The following ACACA variants were observed in gnomAD, a reference collection of about 807,000 sequenced individuals.
ACACA encodes the protein acetyl-CoA carboxylase alpha.
Under a neutral mutation model 296.1 loss-of-function variants are expected in ACACA, and 103 were observed. The ratio of observed to expected loss-of-function variants is 0.35; its 90% CI spans 0.30 to 0.41. The LOEUF (loss-of-function observed/expected upper bound fraction) is 0.41, where lower values mean the gene tolerates loss of function less well. ACACA is among the 10% of genes least tolerant of loss of function. The pLI, the probability that ACACA is intolerant of heterozygous loss-of-function variation, is 1.00. For missense variants in ACACA, 1,554 were observed against 2,989.7 expected (o/e 0.52, Z 11.20); for synonymous variants, 953 against 1,038.6 (o/e 0.92, Z 1.58).
chr17:37,180,421 T>A (rs2077274951), intron 40 of ACACA, among the ~76,000 whole-genome samples: 1 of 152,192 alleles, frequency 6.6e-6, no homozygotes, highest in Non-Finnish European at 1.5e-5. Flanking sequence ...TTTACTAAAA[T>A]TCAAATGTGG....
At chr17:37,363,179 CTTTTT>C (rs902746004) in intron 1 of ACACA, among the ~76,000 whole-genome samples, 2 of 72,850 alleles carry the variant, frequency 2.7e-5, no homozygotes, top group East Asian at 4.3e-4. Flanking sequence ...TTCTCTTTTT[CTTTTT>C]TTTTTTTTTT....
At chr17:37,225,128 G>A (rs1384030056) in intron 26 of ACACA, 23 bp from the exon 27 acceptor site, 1 of 1,369,224 alleles carries the variant, frequency 7.3e-7, no homozygotes, top group African/African-American at 1.4e-5. Context: ...CAAAATAGGA[G>A]GCACACATTC....
chr17:37,159,441 C>T (rs369270946), intron 42 of ACACA, among the ~76,000 whole-genome samples: 6 of 152,088 alleles, frequency 3.9e-5, no homozygotes, highest in Admixed American at 3.3e-4. Context: ...AGGCTGATCT[C>T]GAACTCCTGG....
chr17:37,164,807 TTA>T (rs1220172405), intron 41 of ACACA, among the ~76,000 whole-genome samples: 1 of 152,228 alleles, frequency 6.6e-6, no homozygotes, highest in Non-Finnish European at 1.5e-5. Flanking sequence ...ACACCAAATT[TTA>T]TGATATATTA....
At chr17:37,381,249 G>A (rs540361885) in intron 1 of ACACA, among the ~76,000 whole-genome samples, 4 of 152,066 alleles carry the variant, frequency 2.6e-5, no homozygotes, top group Admixed American at 6.6e-5. Context: ...GCAGTGGCGC[G>A]ATCTCGTCTC....
chr17:37,257,742 T>G lies in ACACA; in HGVS notation c.1787A>C (p.His596Pro). The G allele has an allele frequency of 6.2e-7, 1 of 1,614,164 alleles. No individual in the cohort carries two copies. The highest frequency in any genetic ancestry group is 8.5e-7 in the Non-Finnish European group (1 of 1,180,018). The change falls in exon 14 of 56, where the codon CAC (histidine) becomes CCC (proline). Residue 596 changes from histidine to proline, a missense_variant. By Grantham distance (77) the His-to-Pro change is moderately conservative. Coordinates refer to ENST00000616317, the MANE Select transcript of ACACA (RefSeq NM_198834.3). Reference sequence around the variant, plus strand: ...TCTGTTTTCTCCCCAAGAAAAGCAGTGACCAAACTGAGAATCAGCAAATTC... The same window carrying G: ...TCTGTTTTCTCCCCAAGAAAAGCAGGGACCAAACTGAGAATCAGCAAATTC... ...LHEFADSQFG[H>P]CFSWGENREE...
intron 3 of ACACA, among the ~76,000 whole-genome samples, chr17:37,325,157 C>A (rs1394685366): frequency 6.7e-6 from 1 of 148,712 alleles, no homozygotes; most frequent in Non-Finnish European, 1.5e-5. Context: ...GCCAAGATGG[C>A]GCCACTGCAC....
chr17:37,089,147 G>A lies in ACACA; in HGVS notation c.6892-73C>T, dbSNP rs1433892023. On this transcript the variant is annotated intron_variant, in intron 54 of 55. Coordinates refer to ENST00000616317, the MANE Select transcript of ACACA (RefSeq NM_198834.3). ...GGGACACCCTGACTATTCAGGATCT[G>A]GAGTGCTTGCTTACTCCAAAAGTGT... 18 of 1,605,660 alleles carry A rather than the reference G, an allele frequency of 1.1e-5. No individual in the cohort carries two copies. In the Admixed American group the frequency reaches 2.0e-4, roughly 18 times the overall value.
At chr17:37,202,083 A>T (rs1397373485) in intron 33 of ACACA, among the ~76,000 whole-genome samples, 2 of 152,180 alleles carry the variant, frequency 1.3e-5, no homozygotes, top group Admixed American at 6.5e-5. Context: ...GTATTGACAC[A>T]ACAATATGAA....
intron 1 of ACACA, among the ~76,000 whole-genome samples, chr17:37,344,690 T>C (rs1419434846): frequency 6.6e-6 from 1 of 152,102 alleles, no homozygotes; most frequent in Non-Finnish European, 1.5e-5. Flanking sequence ...GAGCAATAAA[T>C]GACTAGGCAA....
chr17:37,172,906 G>C (rs2076932574), intron 41 of ACACA, among the ~76,000 whole-genome samples: 1 of 152,104 alleles, frequency 6.6e-6, no homozygotes, highest in Non-Finnish European at 1.5e-5. Flanking sequence ...GCTTCGCTTA[G>C]GTCTATTTCA....
intron 1 of ACACA, among the ~76,000 whole-genome samples, chr17:37,390,304 T>TTATATATATATATATATATATATATATA (rs1189193698): frequency 1.7e-4 from 3 of 17,976 alleles, no homozygotes; most frequent in Admixed American, 1.3e-3. Flanking sequence ...TTATACATAA[T>TTATATATATATATATATATATATATATA]TATATATATA....
intron 54 of ACACA, among the ~76,000 whole-genome samples, chr17:37,090,904 C>G (rs2072579292): frequency 6.6e-6 from 1 of 151,192 alleles, no homozygotes; most frequent in Non-Finnish European, 1.5e-5. Context: ...ACAATAAATG[C>G]TTCTTGGATT....
chr17:37,271,093 T>C (rs1397104110), intron 9 of ACACA, among the ~76,000 whole-genome samples: 1 of 152,208 alleles, frequency 6.6e-6, no homozygotes, highest in East Asian at 1.9e-4. Flanking sequence ...TGACTGAATA[T>C]AGGCAATTTC....
chr17:37,302,976 TAA>T (rs756472862), intron 3 of ACACA, among the ~76,000 whole-genome samples: 3 of 152,200 alleles, frequency 2.0e-5, no homozygotes, highest in Non-Finnish European at 4.4e-5. Context: ...GTCATTTTTT[TAA>T]AGAGACGAGG....
intron 3 of ACACA, among the ~76,000 whole-genome samples, chr17:37,307,990 A>C (rs1341345033): frequency 6.6e-6 from 1 of 152,174 alleles, no homozygotes; most frequent in Admixed American, 6.5e-5. Flanking sequence ...AAACTGAAAA[A>C]CTGAACATAC....
chr17:37,166,597 A>AT (rs1344712217), intron 41 of ACACA, among the ~76,000 whole-genome samples: 1 of 152,222 alleles, frequency 6.6e-6, no homozygotes, highest in Non-Finnish European at 1.5e-5. Context: ...TTAATTGAAC[A>AT]TTTACTATCT....
At chr17:37,331,954 T>C (rs1297870887) in intron 2 of ACACA, among the ~76,000 whole-genome samples, 4 of 152,124 alleles carry the variant, frequency 2.6e-5, no homozygotes, top group African/African-American at 9.7e-5. Context: ...ATTATGCATT[T>C]TAAAATGTCA....
At chr17:37,294,885 C>T (rs1241446258) in intron 3 of ACACA, among the ~76,000 whole-genome samples, 2 of 152,280 alleles carry the variant, frequency 1.3e-5, no homozygotes, top group Non-Finnish European at 1.5e-5. Flanking sequence ...GCATGTTTTC[C>T]CTTCAGAGGC....
Sources: allele counts gnomAD v4.1 joint callset (sites outside exome capture counted in the v4.1 genomes callset), GRCh38; gene constraint gnomAD v4.1.1; transcripts MANE v1.5; gene names NCBI Gene and HGNC (gene_info 2026-07-23, HGNC 2026-07-21).